MLXIP: variants seen among roughly 807,000 people sequenced by gnomAD.
The protein encoded by MLXIP is MLX-interacting protein.
A neutral mutation model predicts 87.2 loss-of-function variants in MLXIP; 30 were observed. The ratio of observed to expected loss-of-function variants is 0.34; its 90% CI spans 0.26 to 0.47. The LOEUF is 0.47. MLXIP is among the 20% of genes least tolerant of loss of function. The pLI, the probability that MLXIP is intolerant of heterozygous loss-of-function variation, is 1.00. For missense variants in MLXIP, 1,002 were observed against 1,240.1 expected (o/e 0.81, Z 2.88); for synonymous variants, 530 against 514.0 (o/e 1.03, Z -0.42).
chr12:122,080,726 A>G (rs1952078569), intron 1 of MLXIP, among the ~76,000 whole-genome samples: 1 of 152,182 alleles, frequency 6.6e-6, no homozygotes, highest in Admixed American at 6.5e-5. Flanking sequence ...TTTTTAAAAA[A>G]CAAATGGTGT....
At chr12:122,100,587 A>G (rs1407253057) in intron 1 of MLXIP, among the ~76,000 whole-genome samples, 1 of 152,234 alleles carries the variant, frequency 6.6e-6, no homozygotes, top group Non-Finnish European at 1.5e-5. Flanking sequence ...TTCTCTGTTC[A>G]ACAGTCCCAG....
In MLXIP at chr12:122,137,404, A is replaced by C. The variant is rs1299662842; in HGVS notation, c.2033-65A>C. On this transcript the variant is annotated intron_variant, in intron 11 of 16. Coordinates refer to ENST00000319080, the MANE Select transcript of MLXIP (RefSeq NM_014938.6). The surrounding 1 kb of genome is among the most constrained non-coding windows in gnomAD (Gnocchi z 4.1). The stretch of plus-strand genomic sequence containing the variant: ...CACCTCATAACCCTGCAGAGACCCC[A>C]GGCTGCCTCCTGGTGGCGTTGAGGG... 2 of 1,566,366 alleles carry C rather than the reference A, an allele frequency of 1.3e-6. No homozygotes were observed. Among genetic ancestry groups the C allele is most frequent in the Admixed American group, 3.8e-5 (2 of 51,968 alleles).
chr12:122,137,329 C>G lies in MLXIP; in HGVS notation c.2033-140C>G, dbSNP rs761864445. ...AGTGAATAAGAATAATCTAAGGAAG[C>G]ATGTGTGTGCAGTTGAAAGAACCAA... is the stretch of plus-strand genomic sequence containing the variant. On this transcript the variant is annotated intron_variant, in intron 11 of 16. Coordinates refer to ENST00000319080, the MANE Select transcript of MLXIP (RefSeq NM_014938.6). The surrounding 1 kb of genome is among the most constrained non-coding windows in gnomAD (Gnocchi z 4.1). The G allele has an allele frequency of 1.7e-5, 13 of 785,792 alleles. No homozygotes were observed. The highest frequency in any genetic ancestry group is 1.0e-4 in the Admixed American group (3 of 29,532). 48.7% of individuals were successfully genotyped at this position (785,792 alleles called of 1,614,324 possible).
chr12:122,113,644 T>A (rs138585547), intron 1 of MLXIP, among the ~76,000 whole-genome samples: 61 of 151,800 alleles, frequency 4.0e-4, no homozygotes, highest in South Asian at 8.3e-4. Context: ...AAGGGCCAAC[T>A]TCAGAGTTAG....
chr12:122,122,231 C>T (rs1378246231), intron 1 of MLXIP, among the ~76,000 whole-genome samples: 1 of 152,234 alleles, frequency 6.6e-6, no homozygotes, highest in African/African-American at 2.4e-5. Flanking sequence ...TCACCTTTGT[C>T]TGGAAGATGT....
chr12:122,135,462 G>T lies in MLXIP; in HGVS notation c.1855-27G>T. 1 of 1,609,382 alleles carries T rather than the reference G, an allele frequency of 6.2e-7. No homozygotes were observed. On this transcript the variant is annotated intron_variant, in intron 10 of 16. Transcript: ENST00000319080. This position sits in a 1 kb window ranked among gnomAD's most constrained non-coding sequence, Gnocchi z 5.3. Reference sequence around the variant, plus strand: ...GCCCTGCTGTATATCAGCAGTCAGGGGTGACCTGTCTCCCATGTCACTGCA... The same window carrying T: ...GCCCTGCTGTATATCAGCAGTCAGGTGTGACCTGTCTCCCATGTCACTGCA...
intron 1 of MLXIP, among the ~76,000 whole-genome samples, chr12:122,120,301 C>T (rs1326814681): frequency 6.6e-6 from 1 of 152,104 alleles, no homozygotes; most frequent in Non-Finnish European, 1.5e-5. Context: ...TGGCTCACTG[C>T]AGCCTTGACC....
In MLXIP at chr12:122,133,167, C is replaced by A. The variant is rs2135980596; in HGVS notation, c.1093-181C>A. 4.9e-6 allele frequency: 3 copies of A among 610,222 alleles called. No homozygotes were observed. Among genetic ancestry groups the A allele is most frequent in the South Asian group, 6.0e-5 (2 of 33,292 alleles). The allele number at this position is 610,222 out of a possible 1,614,324, so 37.8% of individuals were successfully genotyped here. The stretch of plus-strand genomic sequence containing the variant: ...ATTTAGTTTTTAATGGAAACAAGAC[C>A]CCCGCAGACACGCAGGGAAACACAA... On this transcript the variant is annotated intron_variant, in intron 8 of 16. Transcript: ENST00000319080. This position sits in a 1 kb window ranked among gnomAD's most constrained non-coding sequence, Gnocchi z 4.9.
chr12:122,084,576 C>T (rs1024001379), intron 1 of MLXIP, among the ~76,000 whole-genome samples: 3 of 152,080 alleles, frequency 2.0e-5, no homozygotes, highest in Admixed American at 2.0e-4. Flanking sequence ...GACGGAGTTT[C>T]GCTCTTGTCA....
Position 122,129,122 on chromosome 12 carries a change from C to G in MLXIP, c.607-15C>G. 6.3e-7 allele frequency: 1 copy of G among 1,596,794 alleles called. No homozygotes were observed. The highest frequency in any genetic ancestry group is 8.5e-7 in the Non-Finnish European group (1 of 1,170,828). On this transcript the variant is annotated splice_polypyrimidine_tract_variant and intron_variant, in intron 3 of 16. Coordinates refer to ENST00000319080, the MANE Select transcript of MLXIP (RefSeq NM_014938.6). Reference sequence around the variant, plus strand: ...CAGAGCCCCCTCTTCACTCTGCTCTCTGTCCCTGTCCTAGGCCATCACCAC... The same window carrying G: ...CAGAGCCCCCTCTTCACTCTGCTCTGTGTCCCTGTCCTAGGCCATCACCAC...
intron 9 of MLXIP, chr12:122,134,956 G>A (rs1953058591): frequency 2.4e-6 from 1 of 414,518 alleles, no homozygotes; most frequent in Non-Finnish European, 4.6e-6. Flanking sequence ...TTACAGATGT[G>A]AGCCATTGCA....
chr12:122,134,154 G>A (rs1228926935), intron 9 of MLXIP, 167 bp downstream of exon 9: 2 of 843,184 alleles, frequency 2.4e-6, no homozygotes, highest in Non-Finnish European at 3.5e-6. Flanking sequence ...ATAATACATG[G>A]CCATGATCTA....
chr12:122,113,068 A>T (rs1432904399), intron 1 of MLXIP, among the ~76,000 whole-genome samples: 1 of 152,214 alleles, frequency 6.6e-6, no homozygotes, highest in East Asian at 1.9e-4. Flanking sequence ...ATATAAATGT[A>T]TGTCTGTGGG....
rs1953207194 is a variant in MLXIP at position 122,141,679 on chromosome 12, T to C, written c.2639-12T>C. 1 of 1,613,164 alleles carries C rather than the reference T, an allele frequency of 6.2e-7. No individual in the cohort carries two copies. Among genetic ancestry groups the C allele is most frequent in the African/African-American group, 1.3e-5 (1 of 75,058 alleles). On this transcript the variant is annotated splice_polypyrimidine_tract_variant and intron_variant, in intron 16 of 16. Transcript: ENST00000319080. Reference sequence around the variant, plus strand: ...GTGTCACTGCCTGTGTCTGACCCTTTCTGTCTTGCAGTGGTATTGAGCACG... The same window carrying C: ...GTGTCACTGCCTGTGTCTGACCCTTCCTGTCTTGCAGTGGTATTGAGCACG...
rs1171944821 is a variant in MLXIP, at chr12:122,114,760, G to GT, written c.414-12496_414-12495insT. ...TTCTTTTTTTTTTTTTTTTTTGGTG[G>GT]GGGGGGACAGGGTCTCACTCTGTTG... On this transcript the variant is annotated intron_variant, in intron 1 of 16. Coordinates refer to ENST00000319080, the MANE Select transcript of MLXIP (RefSeq NM_014938.6). Among the ~76,000 whole-genome samples the GT allele has an allele frequency of 9.0e-4, 90 of 99,726 alleles. 1 individual carries two copies. Among genetic ancestry groups the GT allele is most frequent in the Admixed American group, 3.2e-3 (33 of 10,414 alleles). The allele number at this position is 99,726 out of a possible 152,430, so 65.4% of individuals were successfully genotyped here.
intron 1 of MLXIP, among the ~76,000 whole-genome samples, chr12:122,085,339 A>G (rs1233267103): frequency 6.6e-6 from 1 of 152,146 alleles, no homozygotes; most frequent in Middle Eastern, 3.4e-3. Flanking sequence ...TAGGAGATTA[A>G]GAATCATCTG....
At chr12:122,124,096 C>T (rs1176485657) in intron 1 of MLXIP, among the ~76,000 whole-genome samples, 1 of 152,032 alleles carries the variant, frequency 6.6e-6, no homozygotes, top group Non-Finnish European at 1.5e-5. Context: ...AGCACAGAGG[C>T]ATGACGTGTG....
chr12:122,094,895 A>AT (rs1952325368), intron 1 of MLXIP, among the ~76,000 whole-genome samples: 1 of 101,620 alleles, frequency 9.8e-6, no homozygotes, highest in Admixed American at 1.1e-4. Flanking sequence ...ACGTATGGGG[A>AT]GTGTGTGGGT....
chr12:122,113,641 A>C (rs959496566), intron 1 of MLXIP, among the ~76,000 whole-genome samples: 2 of 151,636 alleles, frequency 1.3e-5, no homozygotes, highest in Non-Finnish European at 2.9e-5. Flanking sequence ...CTTAAGGGCC[A>C]ACTTCAGAGT....
Sources: allele counts gnomAD v4.1 joint callset (sites outside exome capture counted in the v4.1 genomes callset), GRCh38; gene constraint gnomAD v4.1.1; non-coding constraint Gnocchi (gnomAD v3.1); transcripts MANE v1.5; gene names NCBI Gene and HGNC (gene_info 2026-07-23, HGNC 2026-07-21).